The following ATP8A2 variants were observed in gnomAD, a reference collection of about 807,000 sequenced individuals.
ATP8A2 encodes phospholipid-transporting ATPase IB.
ATP8A2 carries 100 observed loss-of-function variants against 165.6 expected under a neutral mutation model. That is an observed-to-expected ratio of 0.60 (90% CI 0.51 to 0.71). The LOEUF (loss-of-function observed/expected upper bound fraction) is 0.71, where lower values mean the gene tolerates loss of function less well. Among genes scored for constraint, ATP8A2 ranks in the 30% least tolerant of loss-of-function variants. The pLI, the probability that ATP8A2 is intolerant of heterozygous loss-of-function variation, is 0.00. For missense variants in ATP8A2, 1,227 were observed against 1,479.5 expected, an observed-to-expected ratio of 0.83 and a Z score of 2.80; for synonymous variants, 543 against 548.8, an observed-to-expected ratio of 0.99 and a Z score of 0.15.
chr13:25,739,235 A>T (rs1021888296), intron 25 of ATP8A2, among the ~76,000 whole-genome samples: 2 of 152,210 alleles, frequency 1.3e-5, no homozygotes, highest in Non-Finnish European at 2.9e-5. Flanking sequence ...CACCTTGGCG[A>T]TGCCTTTAGG....
intron 2 of ATP8A2, among the ~76,000 whole-genome samples, chr13:25,513,706 G>T (rs1371446646): frequency 6.6e-6 from 1 of 152,176 alleles, no homozygotes; most frequent in Non-Finnish European, 1.5e-5. Context: ...TGCAATCCCG[G>T]CACCTCGGGA....
intron 24 of ATP8A2, among the ~76,000 whole-genome samples, chr13:25,602,937 G>T (rs1259885136): frequency 6.6e-6 from 1 of 151,962 alleles, no homozygotes; most frequent in Non-Finnish European, 1.5e-5. Flanking sequence ...CCAGGCATGG[G>T]GGGGTGTGCC....
chr13:25,655,877 G>T (rs544939645), intron 24 of ATP8A2, among the ~76,000 whole-genome samples: 5 of 152,298 alleles, frequency 3.3e-5, no homozygotes, highest in African/African-American at 1.2e-4. Context: ...AAATATTCGT[G>T]TGCAAATGGG....
chr13:26,022,732 C>A lies in ATP8A2; in HGVS notation c.*2747C>A, dbSNP rs1394472027. On this transcript the variant is annotated 3_prime_UTR_variant, in exon 37 of 37. Coordinates refer to ENST00000381655, the MANE Select transcript of ATP8A2 (RefSeq NM_016529.6). ...TCAGAGTGTCACACACAACCCCTCCCCTGGGGCAGGGTGGACTGGACTAGG... is the reference window on the plus strand; with the variant it reads ...TCAGAGTGTCACACACAACCCCTCCACTGGGGCAGGGTGGACTGGACTAGG... The A allele has an allele frequency of 6.6e-6, 1 of 152,210 alleles. No individual in the cohort carries two copies. The highest frequency in any genetic ancestry group is 1.5e-5 in the Non-Finnish European group (1 of 68,042). The allele number at this position is 152,210 out of a possible 1,614,324, so 9.4% of individuals were successfully genotyped here.
At chr13:25,554,901 C>T (rs1355569343) in intron 12 of ATP8A2, 90 bp from the exon 13 acceptor site, 4 of 844,172 alleles carry the variant, frequency 4.7e-6, no homozygotes, top group Non-Finnish European at 7.5e-6. Flanking sequence ...TTTAGATTAC[C>T]CATTCTTAGC....
chr13:25,989,761 T>A (rs1956347645), intron 35 of ATP8A2, among the ~76,000 whole-genome samples: 2 of 152,202 alleles, frequency 1.3e-5, no homozygotes, highest in African/African-American at 2.4e-5. Context: ...ATTTCTTTCC[T>A]TCCTCCTCAC....
intron 33 of ATP8A2, among the ~76,000 whole-genome samples, chr13:25,913,244 G>T (rs1954171488): frequency 6.6e-6 from 1 of 152,124 alleles, no homozygotes; most frequent in African/African-American, 2.4e-5. Flanking sequence ...ACTGTTTCAG[G>T]ATGCTGCGTT....
intron 33 of ATP8A2, among the ~76,000 whole-genome samples, chr13:25,956,496 A>G (rs1198736432): frequency 1.3e-5 from 2 of 152,190 alleles, no homozygotes; most frequent in Non-Finnish European, 2.9e-5. Context: ...AGAGAACCAA[A>G]TCATAAGCGA....
At chr13:25,609,534 G>GGGATTCAAATATATATATATATCTAT (rs2040605192) in intron 24 of ATP8A2, among the ~76,000 whole-genome samples, 1 of 42,220 alleles carries the variant, frequency 2.4e-5, no homozygotes, top group East Asian at 3.2e-4. Flanking sequence ...ATATATATTT[G>GGGATTCAAATATATATATATATCTAT]GGATTCAAAT....
At chr13:25,815,831 A>C (rs192372219) in intron 27 of ATP8A2, among the ~76,000 whole-genome samples, 1 of 152,268 alleles carries the variant, frequency 6.6e-6, no homozygotes, top group African/African-American at 2.4e-5. Flanking sequence ...TGCTATATAC[A>C]TACAATGGCA....
chr13:25,711,008 T>A (rs1377828546), intron 25 of ATP8A2, among the ~76,000 whole-genome samples: 1 of 151,928 alleles, frequency 6.6e-6, no homozygotes, highest in African/African-American at 2.4e-5. Context: ...CCTCTAGGTA[T>A]TTTTTTTGTT....
intron 35 of ATP8A2, among the ~76,000 whole-genome samples, chr13:26,002,989 G>C (rs1956666417): frequency 6.6e-6 from 1 of 151,844 alleles, no homozygotes; most frequent in African/African-American, 2.4e-5. Flanking sequence ...AGTGAACAGA[G>C]GAGTGCAGAT....
At chr13:25,580,940 T>G (rs1382300959) in intron 22 of ATP8A2, among the ~76,000 whole-genome samples, 1 of 152,262 alleles carries the variant, frequency 6.6e-6, no homozygotes, top group African/African-American at 2.4e-5. Context: ...GTTTTTTTGT[T>G]TAAGTTTTAT....
chr13:25,945,146 A>G (rs1413095002), intron 33 of ATP8A2, among the ~76,000 whole-genome samples: 1 of 152,204 alleles, frequency 6.6e-6, no homozygotes, highest in Non-Finnish European at 1.5e-5. Context: ...ATACATATTT[A>G]TGATTTGGGA....
intron 24 of ATP8A2, among the ~76,000 whole-genome samples, chr13:25,599,356 G>A (rs1014401998): frequency 3.3e-5 from 5 of 152,154 alleles, no homozygotes; most frequent in African/African-American, 1.2e-4. Context: ...AAGTACCTCT[G>A]GTTAGAAAGC....
At chr13:25,427,843 G>C (rs920678660) in intron 1 of ATP8A2, among the ~76,000 whole-genome samples, 8 of 151,890 alleles carry the variant, frequency 5.3e-5, no homozygotes, top group African/African-American at 1.9e-4. Flanking sequence ...GCAGTGAACC[G>C]AGATCGAGCC....
At position 25,549,414 on chromosome 13, in the gene ATP8A2, C is replaced by T. The variant is rs183748407; in HGVS notation, c.892-1924C>T. Among the ~76,000 whole-genome samples the T allele has an allele frequency of 9.6e-4, 144 of 149,954 alleles. 1 individual carries two copies. Among genetic ancestry groups the T allele is most frequent in the African/African-American group, 3.3e-3 (132 of 40,494 alleles). On this transcript the variant is annotated intron_variant, in intron 10 of 36. Transcript: ENST00000381655. ...GGCAGAGGTTGCAGTGAGCCGAGAT[C>T]GCACCACTGCACTCCAGCCTGGGCA...
intron 33 of ATP8A2, among the ~76,000 whole-genome samples, chr13:25,916,523 C>T (rs185532845): frequency 2.0e-5 from 3 of 152,236 alleles, no homozygotes; most frequent in South Asian, 2.1e-4. Context: ...GTCACCAGCC[C>T]GCTGCAGAAT....
intron 36 of ATP8A2, among the ~76,000 whole-genome samples, chr13:26,018,978 A>T (rs968418082): frequency 6.6e-6 from 1 of 152,234 alleles, no homozygotes; most frequent in African/African-American, 2.4e-5. Flanking sequence ...GTGTAAGAAT[A>T]GTCTTTGTAT....
Sources: allele counts gnomAD v4.1 joint callset (sites outside exome capture counted in the v4.1 genomes callset), GRCh38; gene constraint gnomAD v4.1.1; transcripts MANE v1.5; gene names NCBI Gene and HGNC (gene_info 2026-07-23, HGNC 2026-07-21).